Variants in NEDD4 observed in about 807,000 individuals in gnomAD.
NEDD4 encodes the protein NEDD4 E3 ubiquitin protein ligase.
A neutral mutation model predicts 144.9 loss-of-function variants in NEDD4; 99 were observed. The observed-to-expected ratio is 0.68, with a 90% CI of 0.58 to 0.81. NEDD4 has a LOEUF of 0.81. Among genes scored for constraint, NEDD4 ranks in the 30% least tolerant of loss-of-function variants. The pLI, the probability that NEDD4 is intolerant of heterozygous loss-of-function variation, is 0.00. For synonymous variants in NEDD4, 318 were observed against 350.6 expected, an observed-to-expected ratio of 0.91 and a Z score of 1.04; for missense variants, 985 against 1,065.9, an observed-to-expected ratio of 0.92 and a Z score of 1.06.
chr15:55,951,950 T>G (rs2037248229), intron 2 of NEDD4, among the ~76,000 whole-genome samples: 1 of 151,990 alleles, frequency 6.6e-6, no homozygotes, highest in African/African-American at 2.4e-5. Flanking sequence ...TTTGTAAGAC[T>G]TCAGGTTGTC....
chr15:55,890,135 C>G (rs1403723064), intron 5 of NEDD4, among the ~76,000 whole-genome samples: 1 of 152,128 alleles, frequency 6.6e-6, no homozygotes, highest in African/African-American at 2.4e-5. Flanking sequence ...TTCAAAATAT[C>G]TCATGTACCT....
intron 8 of NEDD4, among the ~76,000 whole-genome samples, chr15:55,866,786 G>A (rs1356367036): frequency 6.6e-6 from 1 of 152,150 alleles, no homozygotes; most frequent in Non-Finnish European, 1.5e-5. Context: ...TGGAAGTAGA[G>A]TTGTACAATC....
At chr15:55,983,976 AATTT>A (rs771551293) in intron 1 of NEDD4, among the ~76,000 whole-genome samples, 5 of 152,166 alleles carry the variant, frequency 3.3e-5, no homozygotes, top group African/African-American at 2.4e-5. Context: ...GATGTGTGAT[AATTT>A]ATTTAATGTT....
intron 2 of NEDD4, among the ~76,000 whole-genome samples, chr15:55,964,357 T>G: frequency 6.6e-6 from 1 of 152,114 alleles, no homozygotes; most frequent in East Asian, 1.9e-4. Context: ...TCCAACTGCG[T>G]AACAATTTCT....
At chr15:55,905,677 C>T (rs2036066478) in intron 5 of NEDD4, among the ~76,000 whole-genome samples, 1 of 152,194 alleles carries the variant, frequency 6.6e-6, no homozygotes, top group Admixed American at 6.5e-5. Flanking sequence ...CAAGAAAGAA[C>T]TTTAAAAATA....
chr15:55,916,202 G>A, intron 5 of NEDD4: 1 of 1,614,000 alleles, frequency 6.2e-7, no homozygotes, highest in Non-Finnish European at 8.5e-7. Context: ...TATTGGAGGT[G>A]CTGTCAGAAG....
At chr15:55,972,623 G>A (rs2037630667) in intron 1 of NEDD4, among the ~76,000 whole-genome samples, 1 of 152,006 alleles carries the variant, frequency 6.6e-6, no homozygotes. Flanking sequence ...ATTAAAAATG[G>A]CAGAAGTCCT....
intron 1 of NEDD4, among the ~76,000 whole-genome samples, chr15:55,969,844 C>T (rs67121306): frequency 0.13 from 20,330 of 151,614 alleles, 1,485 homozygotes; most frequent in East Asian, 0.32. Context: ...CCAGCTGTGG[C>T]GGCCACAGGG....
intron 5 of NEDD4, among the ~76,000 whole-genome samples, chr15:55,884,806 AG>A (rs1448497203): frequency 6.6e-6 from 1 of 152,210 alleles, no homozygotes; most frequent in African/African-American, 2.4e-5. Context: ...TACAAGATCT[AG>A]AAAATAGCCT....
chr15:55,968,123 T>G (rs904823004), intron 1 of NEDD4, among the ~76,000 whole-genome samples: 18 of 152,170 alleles, frequency 1.2e-4, no homozygotes, highest in African/African-American at 4.3e-4. Context: ...ATCTATAAAT[T>G]TAATACTATT....
chr15:55,833,116 A>G lies in NEDD4; in HGVS notation c.2431-12T>C. 6.4e-7 allele frequency: 1 copy of G among 1,555,152 alleles called. No individual in the cohort carries two copies. Among genetic ancestry groups the G allele is most frequent in the Non-Finnish European group, 8.9e-7 (1 of 1,128,906 alleles). ...ATCATTAAAACAGCCTGAATAAGATAAAAACATCATTTAGGGAACAGCACT... is the reference window on the plus strand; with the variant it reads ...ATCATTAAAACAGCCTGAATAAGATGAAAACATCATTTAGGGAACAGCACT... On this transcript the variant is annotated splice_polypyrimidine_tract_variant and intron_variant, in intron 26 of 28. Coordinates refer to ENST00000435532, the MANE Select transcript of NEDD4 (RefSeq NM_006154.4).
At chr15:55,923,130 G>C (rs2036600071) in intron 5 of NEDD4, among the ~76,000 whole-genome samples, 1 of 152,054 alleles carries the variant, frequency 6.6e-6, no homozygotes, top group Non-Finnish European at 1.5e-5. Flanking sequence ...GTTGCAGTGA[G>C]CTGAGACTGC....
At chr15:55,942,652 G>T (rs10744958) in intron 4 of NEDD4, among the ~76,000 whole-genome samples, 1 of 152,084 alleles carries the variant, frequency 6.6e-6, no homozygotes, top group African/African-American at 2.4e-5. Context: ...GTCAATTACA[G>T]CCGTTTTCTT....
chr15:55,939,835 T>A (rs879259798), intron 4 of NEDD4, among the ~76,000 whole-genome samples: 1 of 152,132 alleles, frequency 6.6e-6, no homozygotes, highest in Non-Finnish European at 1.5e-5. Flanking sequence ...AAAGTAGAAC[T>A]ACTGGATCAT....
intron 5 of NEDD4, among the ~76,000 whole-genome samples, chr15:55,909,001 A>G (rs1447027265): frequency 6.6e-6 from 1 of 152,252 alleles, no homozygotes; most frequent in Non-Finnish European, 1.5e-5. Context: ...GAATTTAAAG[A>G]CATTGTCTAC....
chr15:55,891,416 G>A (rs1487010392), intron 5 of NEDD4, among the ~76,000 whole-genome samples: 2 of 152,116 alleles, frequency 1.3e-5, no homozygotes, highest in Non-Finnish European at 2.9e-5. Context: ...AAAAGTAATC[G>A]TTTTAAATTC....
At chr15:55,970,559 AACAGAGAGAGAG>A (rs2037590177) in intron 1 of NEDD4, among the ~76,000 whole-genome samples, 2 of 152,196 alleles carry the variant, frequency 1.3e-5, no homozygotes, top group Non-Finnish European at 1.5e-5. Context: ...GGCAGCTCAG[AACAGAGAGAGAG>A]ACAGAGAGAG....
intron 5 of NEDD4, among the ~76,000 whole-genome samples, chr15:55,893,179 A>T (rs1024349399): frequency 6.6e-6 from 1 of 152,138 alleles, no homozygotes; most frequent in Non-Finnish European, 1.5e-5. Flanking sequence ...AAGATCAAAG[A>T]TTCAAGATCA....
At chr15:55,916,519 C>A (rs1319509937) in intron 5 of NEDD4, 1 of 1,613,974 alleles carries the variant, frequency 6.2e-7, no homozygotes, top group East Asian at 2.2e-5. Context: ...TCAGCTAAGA[C>A]ATTGCTAGAC....
Sources: allele counts gnomAD v4.1 joint callset (sites outside exome capture counted in the v4.1 genomes callset), GRCh38; gene constraint gnomAD v4.1.1; transcripts MANE v1.5; gene names NCBI Gene and HGNC (gene_info 2026-07-23, HGNC 2026-07-21).